EDA: variants seen among roughly 807,000 people sequenced by gnomAD.
EDA encodes the protein ectodysplasin A, also known as ectodysplasin-A.
A neutral mutation model predicts 23.6 loss-of-function variants in EDA; 2 were observed. That is an observed-to-expected ratio of 0.08 (90% CI 0.03 to 0.27). The LOEUF is 0.27. EDA is among the 10% of genes least tolerant of loss of function. The probability of loss-of-function intolerance (pLI) is 1.00; values close to 1 mark genes in which losing one functional copy is unlikely to be tolerated. For synonymous variants in EDA, 131 were observed against 132.0 expected (o/e 0.99, Z 0.05); for missense variants, 229 against 324.2 (o/e 0.71, Z 2.26).
chrX:69,618,501 A>G (rs902436655), intron 1 of EDA, among the ~76,000 whole-genome samples: 12 of 112,230 alleles, frequency 1.1e-4, no homozygotes, highest in African/African-American at 3.9e-4. Context: ...TCCTAGAGTT[A>G]TGAAGGGCTT....
chrX:69,885,019 A>G (rs893708506), intron 1 of EDA, among the ~76,000 whole-genome samples: 10 of 111,874 alleles, frequency 8.9e-5, no homozygotes, highest in African/African-American at 3.2e-4. Flanking sequence ...ACCCTAATGG[A>G]TATAAAGTGG....
intron 1 of EDA, among the ~76,000 whole-genome samples, chrX:69,923,290 G>GC (rs1382156018): frequency 1.8e-5 from 2 of 109,171 alleles, no homozygotes; most frequent in Non-Finnish European, 1.9e-5. Context: ...CCGTCCCCTT[G>GC]CCCCCCACCC....
At chrX:69,716,377 G>T (rs955460069) in intron 1 of EDA, among the ~76,000 whole-genome samples, 1 of 111,566 alleles carries the variant, frequency 9.0e-6, no homozygotes, top group African/African-American at 3.3e-5. Flanking sequence ...TCAGATAGTT[G>T]TAGGTGTGTG....
chrX:69,749,674 T>C (rs947894212), intron 1 of EDA: 2 of 111,657 alleles, frequency 1.8e-5, no homozygotes, highest in Non-Finnish European at 3.8e-5. Flanking sequence ...TGGTGCTTGT[T>C]ATGACTTCAT....
chrX:69,713,672 A>T (rs193101260), intron 1 of EDA, among the ~76,000 whole-genome samples: 1 of 111,875 alleles, frequency 8.9e-6, no homozygotes, highest in Non-Finnish European at 1.9e-5. Flanking sequence ...CTTGGAATCC[A>T]TCCAAATTGT....
chrX:69,776,632 CAG>C lies in EDA; in HGVS notation c.396+159930_396+159931del, dbSNP rs201709251. Among the ~76,000 whole-genome samples the C allele has an allele frequency of 7.7e-3, 857 of 111,060 alleles. 6 individuals are homozygous for C. Among genetic ancestry groups the C allele is most frequent in the African/African-American group, 0.027 (824 of 30,599 alleles). ...CAGCATGAGAACAGAGTAATACAAA[CAG>C]AAATGCATAGCCCTGAAGAAGAGGG... On this transcript the variant is annotated intron_variant, in intron 1 of 7. Coordinates refer to ENST00000374552, the MANE Select transcript of EDA (RefSeq NM_001399.5).
intron 1 of EDA, among the ~76,000 whole-genome samples, chrX:69,897,868 A>T: frequency 8.9e-6 from 1 of 111,930 alleles, no homozygotes; most frequent in African/African-American, 3.2e-5. Flanking sequence ...ACTAAAATAT[A>T]GATGTCTGTG....
chrX:69,675,607 C>A (rs1350523985), intron 1 of EDA, among the ~76,000 whole-genome samples: 1 of 110,192 alleles, frequency 9.1e-6, no homozygotes, highest in Admixed American at 9.8e-5. Context: ...TTAATTGATT[C>A]ATTCATTTAT....
chrX:69,687,379 T>A (rs1195947702), intron 1 of EDA, among the ~76,000 whole-genome samples: 3 of 111,127 alleles, frequency 2.7e-5, no homozygotes, highest in African/African-American at 9.8e-5. Flanking sequence ...TTCACTCTTA[T>A]TTGTGTGAAG....
intron 1 of EDA, among the ~76,000 whole-genome samples, chrX:69,892,295 TTC>T (rs772736206): frequency 2.8e-4 from 32 of 112,353 alleles, no homozygotes; most frequent in African/African-American, 8.1e-4. Context: ...CTCTTTCAGC[TTC>T]TCTTTTTCAT....
At chrX:70,018,790 G>A (rs2019990018) in intron 2 of EDA, among the ~76,000 whole-genome samples, 1 of 111,398 alleles carries the variant, frequency 9.0e-6, no homozygotes, top group South Asian at 3.8e-4. Flanking sequence ...AAAAATTTAT[G>A]ACAGAGACAT....
intron 1 of EDA, among the ~76,000 whole-genome samples, chrX:69,891,772 G>T (rs2017935306): frequency 9.0e-6 from 1 of 111,062 alleles, no homozygotes; most frequent in African/African-American, 3.3e-5. Context: ...AGGGTGGGGA[G>T]TGGGAGGAGA....
At chrX:69,785,949 T>C (rs1462673500) in intron 1 of EDA, among the ~76,000 whole-genome samples, 1 of 111,113 alleles carries the variant, frequency 9.0e-6, no homozygotes, top group Non-Finnish European at 1.9e-5. Flanking sequence ...GGTAAGCTAT[T>C]GATTATTGCC....
At chrX:69,616,981 C>G (rs1931989102) in intron 1 of EDA, 1 of 427,891 alleles carries the variant, frequency 2.3e-6, no homozygotes, top group Admixed American at 4.3e-5. Context: ...GTTGGCGACG[C>G]TCCCGTCGAG....
chrX:69,819,310 A>C (rs2016154447), intron 1 of EDA, among the ~76,000 whole-genome samples: 1 of 112,143 alleles, frequency 8.9e-6, no homozygotes, highest in Non-Finnish European at 1.9e-5. Context: ...AACCAGCACA[A>C]GACAAGGATC....
intron 1 of EDA, among the ~76,000 whole-genome samples, chrX:69,790,363 G>A (rs1197463266): frequency 9.1e-6 from 1 of 110,081 alleles, no homozygotes; most frequent in Non-Finnish European, 1.9e-5. Flanking sequence ...AAAGGAAGGG[G>A]AAGAGAGGGA....
chrX:69,822,913 T>C (rs1200154818), intron 1 of EDA, among the ~76,000 whole-genome samples: 2 of 94,917 alleles, frequency 2.1e-5, no homozygotes, highest in Non-Finnish European at 4.1e-5. Context: ...GTTCTCATTG[T>C]TCAATTCCCA....
chrX:69,708,739 G>A (rs1274743360), intron 1 of EDA, among the ~76,000 whole-genome samples: 3 of 110,838 alleles, frequency 2.7e-5, no homozygotes, highest in African/African-American at 9.8e-5. Flanking sequence ...ATTTTGATGG[G>A]AGCTGGGGTG....
chrX:69,666,157 G>C (rs1602268351), intron 1 of EDA, among the ~76,000 whole-genome samples: 1 of 112,055 alleles, frequency 8.9e-6, no homozygotes, highest in East Asian at 2.8e-4. Context: ...TTTGTATCCT[G>C]CAACTTTACT....
Sources: allele counts gnomAD v4.1 joint callset (sites outside exome capture counted in the v4.1 genomes callset), GRCh38; gene constraint gnomAD v4.1.1; transcripts MANE v1.5; gene names NCBI Gene and HGNC (gene_info 2026-07-23, HGNC 2026-07-21).